The following ADAMTSL1 variants were observed in gnomAD, a reference collection of about 807,000 sequenced individuals.
ADAMTSL1 encodes ADAMTS like 1, also known as ADAMTS-like protein 1.
A neutral mutation model predicts 201.8 loss-of-function variants in ADAMTSL1; 126 were observed. The observed-to-expected ratio is 0.62, with a 90% CI of 0.54 to 0.72. The LOEUF (loss-of-function observed/expected upper bound fraction) is 0.72, where lower values mean the gene tolerates loss of function less well. Ranked by LOEUF, ADAMTSL1 falls within the 30% of genes least tolerant of loss-of-function variation. ADAMTSL1 has a pLI of 0.00. For synonymous variants in ADAMTSL1, 1,121 were observed against 903.4 expected, an observed-to-expected ratio of 1.24 and a Z score of -4.32; for missense variants, 2,679 against 2,277.8, an observed-to-expected ratio of 1.18 and a Z score of -3.59.
At chr9:18,244,098 TGTGTGTGTGTGTAC>T (rs1459656682) in intron 2 of ADAMTSL1, among the ~76,000 whole-genome samples, 5 of 115,990 alleles carry the variant, frequency 4.3e-5, no homozygotes, top group Non-Finnish European at 9.8e-5. Flanking sequence ...TGTGTGTGTG[TGTGTGTGTGTGTAC>T]GTGTGTGTGT....
chr9:18,404,704 C>G (rs2133281933), intron 2 of ADAMTSL1, among the ~76,000 whole-genome samples: 1 of 152,326 alleles, frequency 6.6e-6, no homozygotes, highest in Admixed American at 6.5e-5. Flanking sequence ...GGAGGAAAAA[C>G]AGTAAATTTC....
intron 2 of ADAMTSL1, among the ~76,000 whole-genome samples, chr9:18,524,830 G>A (rs1001153987): frequency 1.1e-4 from 16 of 152,166 alleles, no homozygotes; most frequent in Admixed American, 3.3e-4. Flanking sequence ...ATGTGCTGCT[G>A]GATTCGGTTT....
intron 2 of ADAMTSL1, among the ~76,000 whole-genome samples, chr9:18,270,522 G>C (rs1202843120): frequency 6.6e-6 from 1 of 152,160 alleles, no homozygotes; most frequent in Non-Finnish European, 1.5e-5. Flanking sequence ...GATAATAATT[G>C]AATGGAATGA....
intron 1 of ADAMTSL1, among the ~76,000 whole-genome samples, chr9:18,483,219 A>C (rs796507245): frequency 7.2e-5 from 11 of 152,360 alleles, no homozygotes; most frequent in African/African-American, 2.4e-4. Context: ...TGAATAAATT[A>C]ATTAGTTGCC....
At position 18,759,427 on chromosome 9, in the gene ADAMTSL1, A is replaced by G. The variant is rs571883780; in HGVS notation, c.2217+5919A>G. On this transcript the variant is annotated intron_variant, in intron 16 of 28. Coordinates refer to ENST00000380548, the MANE Select transcript of ADAMTSL1 (RefSeq NM_001040272.6). Reference sequence around the variant, plus strand: ...CAAAAATACCTTTGGTTTGGATTAGAGAACTGAATTCTGGCAGAGTCACAT... The same window carrying G: ...CAAAAATACCTTTGGTTTGGATTAGGGAACTGAATTCTGGCAGAGTCACAT... 4.6e-5 allele frequency among the ~76,000 whole-genome samples: 7 copies of G among 152,362 alleles called. No homozygotes were observed. The South Asian group carries it at 1.4e-3, about 32-fold the overall frequency.
chr9:18,590,879 T>C (rs1442521275), intron 4 of ADAMTSL1, among the ~76,000 whole-genome samples: 3 of 152,186 alleles, frequency 2.0e-5, no homozygotes, highest in Non-Finnish European at 4.4e-5. Flanking sequence ...TATTTCATTG[T>C]GGTCAAAAAA....
chr9:17,939,468 C>G (rs1827145070), intron 1 of ADAMTSL1, among the ~76,000 whole-genome samples: 1 of 151,904 alleles, frequency 6.6e-6, no homozygotes. Flanking sequence ...TCATTAGTGT[C>G]TTTTCATCTC....
At chr9:18,136,890 A>G (rs1044074547) in intron 1 of ADAMTSL1, among the ~76,000 whole-genome samples, 1 of 152,168 alleles carries the variant, frequency 6.6e-6, no homozygotes, top group Non-Finnish European at 1.5e-5. Flanking sequence ...ATGTGTGAGG[A>G]TGACTTAAAG....
At chr9:18,114,747 A>G (rs1440736981) in intron 1 of ADAMTSL1, among the ~76,000 whole-genome samples, 1 of 152,180 alleles carries the variant, frequency 6.6e-6, no homozygotes, top group Non-Finnish European at 1.5e-5. Context: ...TGTGGGAGAA[A>G]GTTCTCAAGC....
At chr9:18,529,236 G>A (rs75432396) in intron 2 of ADAMTSL1, among the ~76,000 whole-genome samples, 2,708 of 152,240 alleles carry the variant, frequency 0.018, 65 homozygotes, top group African/African-American at 0.058. Flanking sequence ...GTTCCAATGT[G>A]TATCTACCTA....
chr9:18,776,707 C>G (rs1000317565), intron 18 of ADAMTSL1, 74 bp from the exon 19 acceptor site: 30 of 1,442,890 alleles, frequency 2.1e-5, no homozygotes, highest in Non-Finnish European at 2.7e-5. Context: ...CCCCTCTCTC[C>G]TGGCTGCATC....
chr9:18,258,227 C>T (rs1414938224), intron 2 of ADAMTSL1, among the ~76,000 whole-genome samples: 1 of 151,952 alleles, frequency 6.6e-6, no homozygotes, highest in Non-Finnish European at 1.5e-5. Flanking sequence ...ATGTATTTAC[C>T]AGTAATAAAA....
intron 1 of ADAMTSL1, among the ~76,000 whole-genome samples, chr9:18,104,536 G>A (rs1824672401): frequency 6.6e-6 from 1 of 152,130 alleles, no homozygotes; most frequent in African/African-American, 2.4e-5. Context: ...GAGCTAAACA[G>A]TAGGTACACG....
intron 23 of ADAMTSL1, among the ~76,000 whole-genome samples, chr9:18,850,858 A>G (rs1038824248): frequency 6.6e-6 from 1 of 152,218 alleles, no homozygotes; most frequent in African/African-American, 2.4e-5. Flanking sequence ...AGCCAATCTC[A>G]GGTAAATTAA....
At chr9:18,756,633 C>T (rs1819788892) in intron 16 of ADAMTSL1, among the ~76,000 whole-genome samples, 1 of 152,200 alleles carries the variant, frequency 6.6e-6, no homozygotes. Context: ...CTGGTCTTTT[C>T]CATTTAGCAA....
chr9:18,062,242 A>G (rs1822489792), intron 1 of ADAMTSL1, among the ~76,000 whole-genome samples: 1 of 152,196 alleles, frequency 6.6e-6, no homozygotes, highest in South Asian at 2.1e-4. Context: ...GTCATGATTG[A>G]CTTGTATAGG....
chr9:18,285,936 A>G (rs565437477), intron 2 of ADAMTSL1, among the ~76,000 whole-genome samples: 22 of 152,212 alleles, frequency 1.4e-4, no homozygotes, highest in African/African-American at 4.1e-4. Context: ...AGCCACCACT[A>G]TGTTCTATCT....
chr9:17,956,642 C>G (rs925291714), intron 1 of ADAMTSL1, among the ~76,000 whole-genome samples: 5 of 152,258 alleles, frequency 3.3e-5, no homozygotes, highest in African/African-American at 1.2e-4. Flanking sequence ...TTCTGGAAAG[C>G]CTTCTCTGTA....
At chr9:18,256,028 G>A (rs1391035838) in intron 2 of ADAMTSL1, among the ~76,000 whole-genome samples, 2 of 152,144 alleles carry the variant, frequency 1.3e-5, no homozygotes, top group African/African-American at 4.8e-5. Context: ...AATCTTCCTT[G>A]TTTCCTATTT....
Sources: allele counts gnomAD v4.1 joint callset (sites outside exome capture counted in the v4.1 genomes callset), GRCh38; gene constraint gnomAD v4.1.1; transcripts MANE v1.5; gene names NCBI Gene and HGNC (gene_info 2026-07-23, HGNC 2026-07-21).